Variants in GLDN observed in about 807,000 individuals in gnomAD.
GLDN encodes the protein gliomedin, also known as collomin.
Under a neutral mutation model 56.5 loss-of-function variants are expected in GLDN, and 47 were observed. That is an observed-to-expected ratio of 0.83 (90% confidence interval 0.66 to 1.06). The LOEUF (loss-of-function observed/expected upper bound fraction) is 1.06. Among genes scored for constraint, GLDN ranks in the 50% least tolerant of loss-of-function variants. The pLI is 0.00. For synonymous variants in GLDN, 332 were observed against 278.8 expected (o/e 1.19, Z -1.90); for missense variants, 782 against 714.3 (o/e 1.09, Z -1.08).
At chr15:51,383,928 T>C (rs1322805727) in intron 4 of GLDN, 36 bp downstream of exon 4, 26 of 1,421,792 alleles carry the variant, frequency 1.8e-5, no homozygotes, top group Non-Finnish European at 2.3e-5. Flanking sequence ...ATTTCCCTGT[T>C]ATTTATCTCC....
At chr15:51,409,600 A>G (rs759884872), downstream of GLDN, among the ~76,000 whole-genome samples, 3 of 152,224 alleles carry the variant, frequency 2.0e-5, no homozygotes, top group Non-Finnish European at 2.9e-5. Flanking sequence ...GTCTAGCAAC[A>G]TGGCATTGTC....
intron 5 of GLDN, 65 bp from the exon 6 acceptor site, chr15:51,397,405 C>A: frequency 1.6e-6 from 1 of 613,334 alleles, no homozygotes; most frequent in South Asian, 6.6e-5. Flanking sequence ...CTTCTCTGTC[C>A]CTCTCTCCCC....
At chr15:51,398,629 C>G (rs2038185080) in intron 6 of GLDN, among the ~76,000 whole-genome samples, 1 of 152,208 alleles carries the variant, frequency 6.6e-6, no homozygotes, top group South Asian at 2.1e-4. Context: ...GGTCAGCTGT[C>G]AAAATGGGCG....
intron 1 of GLDN, among the ~76,000 whole-genome samples, chr15:51,347,098 A>T (rs530180938): frequency 6.6e-6 from 1 of 152,164 alleles, no homozygotes; most frequent in Admixed American, 6.5e-5. Flanking sequence ...AAACTGGAAA[A>T]CTCATATCAT....
At chr15:51,377,643 A>G in intron 2 of GLDN, 143 bp downstream of exon 2, 1 of 581,954 alleles carries the variant, frequency 1.7e-6, no homozygotes, top group South Asian at 2.3e-5. Context: ...TGAGCTGAAA[A>G]CCCATTGTAA....
At chr15:51,368,351 G>A (rs1354657152) in intron 1 of GLDN, among the ~76,000 whole-genome samples, 3 of 151,838 alleles carry the variant, frequency 2.0e-5, no homozygotes, top group African/African-American at 4.9e-5. Flanking sequence ...CACAGAAACG[G>A]GCAGTCAGTA....
intron 1 of GLDN, among the ~76,000 whole-genome samples, chr15:51,359,978 C>CAAAAAAAAAAAAAA (rs58874237): frequency 5.4e-5 from 5 of 92,710 alleles, no homozygotes; most frequent in Admixed American, 2.5e-4. Context: ...GACTCTGTCT[C>CAAAAAAAAAAAAAA]AAAAAAAAAA....
intron 8 of GLDN, 70 bp downstream of exon 8, chr15:51,400,568 G>T: frequency 7.9e-6 from 12 of 1,513,100 alleles, no homozygotes; most frequent in Non-Finnish European, 1.1e-5. Flanking sequence ...CTACCTTTGG[G>T]CGTATTCCAT....
intron 1 of GLDN, among the ~76,000 whole-genome samples, chr15:51,376,758 A>C (rs952422990): frequency 3.9e-5 from 6 of 152,186 alleles, no homozygotes; most frequent in African/African-American, 1.4e-4. Flanking sequence ...TTAAAAATGA[A>C]GACACAAACT....
intron 6 of GLDN, 85 bp downstream of exon 6, chr15:51,397,683 T>G: frequency 7.3e-7 from 1 of 1,363,176 alleles, no homozygotes; most frequent in South Asian, 2.2e-5. Context: ...GTGACCAGAT[T>G]TGTTTTAATA....
At chr15:51,377,123 GC>G in intron 1 of GLDN, 1 of 356,536 alleles carries the variant, frequency 2.8e-6, no homozygotes, top group Non-Finnish European at 5.1e-6. Context: ...TACGTGCTAT[GC>G]TTTTTACAAT....
In GLDN at chr15:51,370,808, A is replaced by T. The variant is rs1012058200; in HGVS notation, c.364-6641A>T. Among the ~76,000 whole-genome samples the T allele has an allele frequency of 2.6e-5, 4 of 152,134 alleles. No homozygotes were observed. In the South Asian group the frequency reaches 8.3e-4, roughly 31 times the overall value. ...GGAGTTCCAGACCAGCCTGGCCAAC[A>T]TGGTGAAATCTCATCTCTACTAAAA... is the stretch of plus-strand genomic sequence containing the variant. On this transcript the variant is annotated intron_variant, in intron 1 of 9. Transcript: ENST00000335449.
chr15:51,400,052 A>G, intron 6 of GLDN, 140 bp from the exon 7 acceptor site: 1 of 715,842 alleles, frequency 1.4e-6, no homozygotes, highest in Non-Finnish European at 2.4e-6. Flanking sequence ...GCAAGCAACC[A>G]AGGAATCTGG....
chr15:51,376,930 G>A (rs138160223), intron 1 of GLDN, among the ~76,000 whole-genome samples: 1 of 152,196 alleles, frequency 6.6e-6, no homozygotes, highest in East Asian at 1.9e-4. Flanking sequence ...GCCTAAGGCT[G>A]TTTTACAGTT....
intron 4 of GLDN, among the ~76,000 whole-genome samples, chr15:51,391,079 T>G (rs1052820198): frequency 8.5e-5 from 13 of 152,166 alleles, no homozygotes; most frequent in Non-Finnish European, 1.8e-4. Context: ...AGCACTATAG[T>G]GGACAAGAGG....
chr15:51,360,904 C>G (rs1280348924), intron 1 of GLDN, among the ~76,000 whole-genome samples: 2 of 152,212 alleles, frequency 1.3e-5, no homozygotes, highest in African/African-American at 4.8e-5. Flanking sequence ...TGTTTTTGCT[C>G]TGTACAAGGG....
At chr15:51,399,456 G>C (rs1272189387) in intron 6 of GLDN, among the ~76,000 whole-genome samples, 1 of 152,110 alleles carries the variant, frequency 6.6e-6, no homozygotes, top group African/African-American at 2.4e-5. Flanking sequence ...GCTGCCCTAA[G>C]GCACCTCTTC....
intron 1 of GLDN, among the ~76,000 whole-genome samples, chr15:51,346,615 G>A (rs566036845): frequency 6.6e-6 from 1 of 152,124 alleles, no homozygotes; most frequent in Non-Finnish European, 1.5e-5. Flanking sequence ...TTGGAATTGG[G>A]AAGCCTTTTC....
chr15:51,376,201 T>G (rs570649444), intron 1 of GLDN, among the ~76,000 whole-genome samples: 2 of 152,356 alleles, frequency 1.3e-5, no homozygotes, highest in South Asian at 4.1e-4. Flanking sequence ...CTAGATGCCA[T>G]AGCCTACAAC....
Sources: allele counts gnomAD v4.1 joint callset (sites outside exome capture counted in the v4.1 genomes callset), GRCh38; gene constraint gnomAD v4.1.1; transcripts MANE v1.5; gene names NCBI Gene and HGNC (gene_info 2026-07-23, HGNC 2026-07-21).